Variants in PLCB1 observed in about 807,000 individuals in gnomAD.
PLCB1 encodes the protein 1-phosphatidylinositol 4,5-bisphosphate phosphodiesterase beta-1.
In PLCB1, 46 loss-of-function variants were observed where a neutral mutation model predicts 161.8. That is an observed-to-expected ratio of 0.28 (90% CI 0.22 to 0.36). The LOEUF (loss-of-function observed/expected upper bound fraction) is 0.36. PLCB1 is among the 10% of genes least tolerant of loss of function. The pLI, the probability that PLCB1 is intolerant of heterozygous loss-of-function variation, is 1.00. For synonymous variants in PLCB1, 517 were observed against 503.7 expected (o/e 1.03, Z -0.35); for missense variants, 1,016 against 1,472.5 (o/e 0.69, Z 5.07).
intron 11 of PLCB1, among the ~76,000 whole-genome samples, chr20:8,705,967 C>T (rs370582415): frequency 2.0e-5 from 3 of 152,274 alleles, no homozygotes; most frequent in South Asian, 2.1e-4. Flanking sequence ...TGGAATACAG[C>T]GGCAAGTACT....
At chr20:8,303,239 T>C (rs1983987345) in intron 2 of PLCB1, among the ~76,000 whole-genome samples, 1 of 152,210 alleles carries the variant, frequency 6.6e-6, no homozygotes, top group Admixed American at 6.5e-5. Flanking sequence ...TTTGTATAGA[T>C]CCGGGGTTTC....
At chr20:8,575,050 C>T (rs567294124) in intron 3 of PLCB1, among the ~76,000 whole-genome samples, 46 of 152,282 alleles carry the variant, frequency 3.0e-4, no homozygotes, top group South Asian at 1.2e-3. Flanking sequence ...TCCAATTCCC[C>T]CTTAGGAAAT....
intron 3 of PLCB1, among the ~76,000 whole-genome samples, chr20:8,422,328 G>GT (rs1012748545): frequency 3.3e-5 from 5 of 152,252 alleles, no homozygotes; most frequent in East Asian, 1.9e-4. Flanking sequence ...ATGATTATTG[G>GT]TTTTTTCTGA....
At chr20:8,706,586 T>G (rs1278430447) in intron 11 of PLCB1, among the ~76,000 whole-genome samples, 1 of 152,138 alleles carries the variant, frequency 6.6e-6, no homozygotes, top group African/African-American at 2.4e-5. Context: ...AATCCAGCCC[T>G]TTTTTTCCAC....
chr20:8,801,854 G>A (rs1208480004), intron 31 of PLCB1, among the ~76,000 whole-genome samples: 1 of 152,128 alleles, frequency 6.6e-6, no homozygotes, highest in African/African-American at 2.4e-5. Context: ...AGAACTCAAT[G>A]CCAATTCCAT....
intron 2 of PLCB1, among the ~76,000 whole-genome samples, chr20:8,260,680 A>T (rs1981643887): frequency 6.6e-6 from 1 of 152,160 alleles, no homozygotes; most frequent in African/African-American, 2.4e-5. Flanking sequence ...GAGGGAATAA[A>T]CAATGAGCTA....
At chr20:8,667,301 A>G (rs897366399) in intron 9 of PLCB1, among the ~76,000 whole-genome samples, 2 of 152,192 alleles carry the variant, frequency 1.3e-5, no homozygotes, top group African/African-American at 4.8e-5. Context: ...GCGGAAGGTT[A>G]CAGAAAAATG....
intron 10 of PLCB1, among the ~76,000 whole-genome samples, chr20:8,692,303 C>T (rs1014381702): frequency 1.3e-5 from 2 of 152,158 alleles, no homozygotes; most frequent in Non-Finnish European, 2.9e-5. Context: ...TTTGAGCACC[C>T]CTCCTCTCTT....
chr20:8,260,393 C>T (rs1981633997), intron 2 of PLCB1, among the ~76,000 whole-genome samples: 1 of 151,944 alleles, frequency 6.6e-6, no homozygotes, highest in Admixed American at 6.6e-5. Context: ...CCTACCACTA[C>T]ATTTCTTAAT....
At chr20:8,564,154 C>A (rs1057196220) in intron 3 of PLCB1, among the ~76,000 whole-genome samples, 1 of 152,016 alleles carries the variant, frequency 6.6e-6, no homozygotes, top group African/African-American at 2.4e-5. Flanking sequence ...GATATATAGA[C>A]CAATGGAACA....
chr20:8,390,944 G>A (rs1475774152), intron 3 of PLCB1, among the ~76,000 whole-genome samples: 1 of 151,204 alleles, frequency 6.6e-6, no homozygotes, highest in Non-Finnish European at 1.5e-5. Context: ...GTTGCGGTAA[G>A]GACTAAATGA....
chr20:8,588,375 C>G (rs1191659001), intron 3 of PLCB1, among the ~76,000 whole-genome samples: 2 of 151,996 alleles, frequency 1.3e-5, no homozygotes, highest in Non-Finnish European at 2.9e-5. Flanking sequence ...TGTATGCAAC[C>G]AGGATTCATA....
At chr20:8,719,419 C>T (rs1298288780) in intron 14 of PLCB1, among the ~76,000 whole-genome samples, 1 of 152,058 alleles carries the variant, frequency 6.6e-6, no homozygotes, top group Non-Finnish European at 1.5e-5. Flanking sequence ...TACTCGTCAA[C>T]AGATAAATGA....
chr20:8,375,498 T>A (rs1022993339), intron 3 of PLCB1, among the ~76,000 whole-genome samples: 16 of 152,214 alleles, frequency 1.1e-4, no homozygotes, highest in African/African-American at 3.9e-4. Context: ...AAGTTGTTTT[T>A]TGAAACTTTT....
At chr20:8,478,287 AC>A (rs1982363288) in intron 3 of PLCB1, among the ~76,000 whole-genome samples, 1 of 152,178 alleles carries the variant, frequency 6.6e-6, no homozygotes, top group South Asian at 2.1e-4. Flanking sequence ...CAAATAGTAT[AC>A]ACAACTCGTG....
intron 3 of PLCB1, among the ~76,000 whole-genome samples, chr20:8,586,561 G>A (rs1006221616): frequency 4.6e-5 from 7 of 152,122 alleles, no homozygotes; most frequent in African/African-American, 9.6e-5. Flanking sequence ...TGATAATTAC[G>A]TCCCTTACAT....
intron 2 of PLCB1, among the ~76,000 whole-genome samples, chr20:8,231,145 C>T (rs975767904): frequency 3.3e-5 from 5 of 152,162 alleles, no homozygotes; most frequent in Admixed American, 3.3e-4. Context: ...AGATTGTCCC[C>T]TTTCATTTCT....
chr20:8,540,851 A>G (rs1477553632), intron 3 of PLCB1, among the ~76,000 whole-genome samples: 3 of 152,076 alleles, frequency 2.0e-5, no homozygotes, highest in Non-Finnish European at 4.4e-5. Context: ...TGAAAATACA[A>G]CCTTCTACCA....
chr20:8,644,947 G>A (rs1311738549), intron 4 of PLCB1, among the ~76,000 whole-genome samples: 2 of 152,200 alleles, frequency 1.3e-5, no homozygotes, highest in Non-Finnish European at 2.9e-5. Flanking sequence ...GTAGAAAGAG[G>A]TAGACATGGG....
Sources: allele counts gnomAD v4.1 joint callset (sites outside exome capture counted in the v4.1 genomes callset), GRCh38; gene constraint gnomAD v4.1.1; transcripts MANE v1.5; gene names NCBI Gene and HGNC (gene_info 2026-07-23, HGNC 2026-07-21).